The following PLCG2 variants were observed in gnomAD, a reference collection of about 807,000 sequenced individuals.
PLCG2 encodes the protein phospholipase C gamma 2.
In PLCG2, 69 loss-of-function variants were observed where a neutral mutation model predicts 175.6. That is an observed-to-expected ratio of 0.39 (90% CI 0.32 to 0.48). The LOEUF (loss-of-function observed/expected upper bound fraction) is 0.48. Among genes scored for constraint, PLCG2 ranks in the 20% least tolerant of loss-of-function variants. PLCG2 has a pLI of 0.91. For synonymous variants in PLCG2, 827 were observed against 624.0 expected (o/e 1.33, Z -4.85); for missense variants, 1,798 against 1,650.9 (o/e 1.09, Z -1.54).
At chr16:81,893,016 T>A (rs981513029) in intron 11 of PLCG2, among the ~76,000 whole-genome samples, 1 of 152,052 alleles carries the variant, frequency 6.6e-6, no homozygotes, top group Non-Finnish European at 1.5e-5. Flanking sequence ...TGTTTTGTTT[T>A]GTTTTGTTTT....
In PLCG2 at chr16:81,779,366, G is replaced by C. The variant is rs1325345488; in HGVS notation, c.-106G>C. 6.6e-6 allele frequency: 1 copy of C among 150,936 alleles called. No homozygotes were observed. Among genetic ancestry groups the C allele is most frequent in the Non-Finnish European group, 1.5e-5 (1 of 67,630 alleles). The allele number at this position is 150,936 out of a possible 1,614,324, so 9.3% of individuals were successfully genotyped here. ...GAGTCGGGACGCGGGCTGCGCGCGC[G>C]GGACCCCGGAGCCCAAACCCGGGGC... On this transcript the variant is annotated 5_prime_UTR_variant, in exon 1 of 33. Coordinates refer to ENST00000564138, the MANE Select transcript of PLCG2 (RefSeq NM_002661.5).
At chr16:81,861,152 C>G (rs750271215) in intron 5 of PLCG2, among the ~76,000 whole-genome samples, 1 of 152,180 alleles carries the variant, frequency 6.6e-6, no homozygotes, top group Non-Finnish European at 1.5e-5. Flanking sequence ...TCATGTTAGC[C>G]TCACGTGAGG....
intron 27 of PLCG2, 95 bp from the exon 28 acceptor site, chr16:81,937,662 GA>G: frequency 6.6e-6 from 7 of 1,060,264 alleles, no homozygotes; most frequent in Admixed American, 2.2e-5. Flanking sequence ...TTAATTTGGG[GA>G]AAAGGTGAAA....
chr16:81,849,034 A>G (rs1167059346), intron 2 of PLCG2, among the ~76,000 whole-genome samples: 1 of 151,722 alleles, frequency 6.6e-6, no homozygotes, highest in Non-Finnish European at 1.5e-5. Flanking sequence ...GTGACCTATA[A>G]GAGATGCTTG....
At chr16:81,820,691 G>T (rs1904756785) in intron 2 of PLCG2, among the ~76,000 whole-genome samples, 1 of 152,094 alleles carries the variant, frequency 6.6e-6, no homozygotes, top group Non-Finnish European at 1.5e-5. Flanking sequence ...CGCAATCTTG[G>T]CCCACTGCAG....
chr16:81,874,560 C>T (rs993205016), intron 7 of PLCG2, among the ~76,000 whole-genome samples: 31 of 152,184 alleles, frequency 2.0e-4, no homozygotes, highest in African/African-American at 6.3e-4. Flanking sequence ...AAGCACAGGG[C>T]AGAGAAAAGT....
chr16:81,857,217 T>G (rs2143483900), intron 3 of PLCG2, among the ~76,000 whole-genome samples: 1 of 152,360 alleles, frequency 6.6e-6, no homozygotes. Context: ...CTGGTTTAAT[T>G]ACTTTAGGGT....
At chr16:81,931,365 C>T (rs987814881) in intron 24 of PLCG2, 132 bp from the exon 25 acceptor site, 2 of 739,928 alleles carry the variant, frequency 2.7e-6, no homozygotes, top group African/African-American at 1.7e-5. Context: ...AAGTAGACGT[C>T]CCCATCAGTG....
intron 5 of PLCG2, among the ~76,000 whole-genome samples, chr16:81,863,579 G>A (rs1907086535): frequency 6.6e-6 from 1 of 152,150 alleles, no homozygotes; most frequent in Non-Finnish European, 1.5e-5. Flanking sequence ...CTGAATTGCT[G>A]GATCAGTTGC....
At chr16:81,883,437 T>G in intron 9 of PLCG2, 96 bp downstream of exon 9, 2 of 953,766 alleles carry the variant, frequency 2.1e-6, no homozygotes, top group Non-Finnish European at 3.3e-6. Context: ...CCTGGTCACC[T>G]GTGCTCACCT....
At chr16:81,953,060 C>T (rs531632569) in intron 31 of PLCG2, among the ~76,000 whole-genome samples, 4 of 152,166 alleles carry the variant, frequency 2.6e-5, no homozygotes, top group Admixed American at 1.3e-4. Context: ...AAAACTGCAT[C>T]GCCTCAAACA....
chr16:81,912,880 C>T (rs377042001), intron 19 of PLCG2, among the ~76,000 whole-genome samples, 164 bp downstream of exon 19: 5 of 152,366 alleles, frequency 3.3e-5, no homozygotes, highest in African/African-American at 9.6e-5. Flanking sequence ...CGAGAATGTG[C>T]GCTCCTGCGT....
At chr16:81,843,316 T>C (rs74029251) in intron 2 of PLCG2, among the ~76,000 whole-genome samples, 2,616 of 152,302 alleles carry the variant, frequency 0.017, 76 homozygotes, top group African/African-American at 0.06. Flanking sequence ...AATCTTTTGG[T>C]ACCCTTTCTC....
chr16:81,908,392 A>AC (rs1909470384), intron 16 of PLCG2, 24 bp from the exon 17 acceptor site: 1 of 1,605,578 alleles, frequency 6.2e-7, no homozygotes, highest in African/African-American at 1.3e-5. Flanking sequence ...GCTTTCAGAA[A>AC]CCCCTCCTCT....
At chr16:81,757,157 C>T (rs1465256773) in intron 2 of PLCG2, among the ~76,000 whole-genome samples, 1 of 152,050 alleles carries the variant, frequency 6.6e-6, no homozygotes, top group African/African-American at 2.4e-5. Flanking sequence ...CTAGGAGGGA[C>T]CACATTGGAA....
rs369542682 is a variant in PLCG2, at chr16:81,907,695, G to A, written c.1478G>A (p.Arg493Gln). 9.9e-6 allele frequency: 16 copies of A among 1,613,274 alleles called. No individual in the cohort carries two copies. The highest frequency in any genetic ancestry group is 1.3e-5 in the Non-Finnish European group (15 of 1,179,362). ...MWDSIDQKWTRHYCAIADAKL... is the reference protein window; with the variant it reads ...MWDSIDQKWTQHYCAIADAKL... ...AGTTTCACTTTCTAGAAATGGACTC[G>A]GCACTACTGCGCCATTGCCGATGCC... Residue 493 changes from arginine (R) to glutamine (Q), a missense_variant, in exon 16 of 33, where the codon CGG becomes CAG. By Grantham distance (43) the Arg-to-Gln change is conservative. Transcript: ENST00000564138.
At chr16:81,816,324 T>C (rs1186678968) in intron 2 of PLCG2, among the ~76,000 whole-genome samples, 1 of 152,096 alleles carries the variant, frequency 6.6e-6, no homozygotes, top group Non-Finnish European at 1.5e-5. Flanking sequence ...TGAGTCCAAA[T>C]CGTGCCACTA....
At chr16:81,808,569 C>T (rs569851148) in intron 2 of PLCG2, among the ~76,000 whole-genome samples, 2 of 152,128 alleles carry the variant, frequency 1.3e-5, no homozygotes, top group Non-Finnish European at 2.9e-5. Context: ...TCTCGGCTCG[C>T]TACAACCTCC....
chr16:81,946,366 G>C lies in PLCG2; in HGVS notation c.3570+103G>C, dbSNP rs540188904. 1.7e-5 allele frequency: 14 copies of C among 812,948 alleles called. No homozygotes were observed. The African/African-American group carries it at 2.0e-4, about 12-fold the overall frequency. 50.4% of individuals were successfully genotyped at this position (812,948 alleles called of 1,614,324 possible). On this transcript the variant is annotated intron_variant, in intron 31 of 32. Transcript: ENST00000564138. ...TGGCAGATGGACTTAAGCCCATTCA[G>C]AATTGTCTAGCCCAAGCATGAGACA...
Sources: gnomAD v4.1 joint callset for allele counts (sites outside exome capture counted in the v4.1 genomes callset) on GRCh38, gnomAD v4.1.1 for gene constraint, MANE v1.5 for transcripts, NCBI Gene and HGNC (gene_info 2026-07-23, HGNC 2026-07-21) for gene names.